The following TMEM163 variants were observed in gnomAD, a reference collection of about 807,000 sequenced individuals.
TMEM163 encodes the protein transmembrane protein 163.
TMEM163 carries 17 observed loss-of-function variants against 29.3 expected under a neutral mutation model. The observed-to-expected ratio is 0.58, with a 90% CI of 0.40 to 0.87. The LOEUF (loss-of-function observed/expected upper bound fraction) is 0.87, where lower values mean the gene tolerates loss of function less well. TMEM163 is among the 40% of genes least tolerant of loss of function. The pLI, the probability that TMEM163 is intolerant of heterozygous loss-of-function variation, is 0.00. For synonymous variants in TMEM163, 157 were observed against 160.6 expected, an observed-to-expected ratio of 0.98 and a Z score of 0.17; for missense variants, 303 against 381.5, an observed-to-expected ratio of 0.79 and a Z score of 1.71.
chr2:134,526,763 C>T (rs1042514995), intron 4 of TMEM163, among the ~76,000 whole-genome samples: 4 of 152,230 alleles, frequency 2.6e-5, no homozygotes, highest in African/African-American at 9.6e-5. Flanking sequence ...TACAGAACCA[C>T]TGGAAAAGCA....
At chr2:134,479,900 G>A (rs597299) in intron 5 of TMEM163, among the ~76,000 whole-genome samples, 25,590 of 152,154 alleles carry the variant, frequency 0.17, 2,663 homozygotes, top group South Asian at 0.26. Flanking sequence ...AGGATTCAAA[G>A]GCAATTAGGG....
chr2:134,570,349 G>A (rs889468057), intron 2 of TMEM163, among the ~76,000 whole-genome samples: 5 of 152,108 alleles, frequency 3.3e-5, no homozygotes, highest in Admixed American at 2.0e-4. Flanking sequence ...TGGGTACAAG[G>A]CAGGAACAGA....
At chr2:134,713,801 GAGTC>G (rs1684980954) in intron 1 of TMEM163, among the ~76,000 whole-genome samples, 1 of 152,182 alleles carries the variant, frequency 6.6e-6, no homozygotes, top group Non-Finnish European at 1.5e-5. Flanking sequence ...CCAAAGCAAG[GAGTC>G]AGTCTACAAA....
At chr2:134,534,911 T>C (rs1680498579) in intron 4 of TMEM163, among the ~76,000 whole-genome samples, 2 of 152,314 alleles carry the variant, frequency 1.3e-5, no homozygotes, top group South Asian at 4.1e-4. Context: ...TTGGTCTTGA[T>C]GCAGCTAACA....
intron 2 of TMEM163, among the ~76,000 whole-genome samples, chr2:134,701,408 A>G (rs184691902): frequency 1.3e-5 from 2 of 152,326 alleles, no homozygotes; most frequent in East Asian, 3.9e-4. Context: ...AATAAAGAGA[A>G]GACTGGCAAT....
chr2:134,664,151 C>T (rs1683821006), intron 2 of TMEM163, among the ~76,000 whole-genome samples: 1 of 152,252 alleles, frequency 6.6e-6, no homozygotes, highest in Non-Finnish European at 1.5e-5. Context: ...GAAAAGCAAG[C>T]TCCCTCACAG....
In TMEM163 at chr2:134,696,139, T is replaced by C. The variant is rs73958792; in HGVS notation, c.322+17061A>G. Among the ~76,000 whole-genome samples, 577 of 151,886 alleles carry C rather than the reference T, an allele frequency of 3.8e-3. 1 individual carries two copies. Among genetic ancestry groups the C allele is most frequent in the African/African-American group, 0.013 (541 of 41,422 alleles). ...AATTTATATTTGTATATGTGGGAGG[T>C]ACAAACTTATTTTAGTTTTTCCATA... On this transcript the variant is annotated intron_variant, in intron 2 of 7. Coordinates refer to ENST00000281924, the MANE Select transcript of TMEM163 (RefSeq NM_030923.5).
At chr2:134,466,407 G>T in intron 5 of TMEM163, 182 bp from the exon 6 acceptor site, 1 of 566,894 alleles carries the variant, frequency 1.8e-6, no homozygotes, top group East Asian at 2.9e-5. Flanking sequence ...TGGAAAAGAT[G>T]CTCAAAAACA....
At chr2:134,648,679 C>T (rs1023183590) in intron 2 of TMEM163, among the ~76,000 whole-genome samples, 8 of 152,270 alleles carry the variant, frequency 5.3e-5, no homozygotes, top group East Asian at 3.9e-4. Context: ...TGAAAGGAAG[C>T]GATAACTCCA....
intron 2 of TMEM163, among the ~76,000 whole-genome samples, chr2:134,566,379 T>A: frequency 6.6e-6 from 1 of 152,110 alleles, no homozygotes; most frequent in Admixed American, 6.5e-5. Flanking sequence ...CCAGCCAATA[T>A]GGTGAAACCC....
intron 2 of TMEM163, among the ~76,000 whole-genome samples, chr2:134,573,238 C>T (rs1439583192): frequency 6.6e-6 from 1 of 152,230 alleles, no homozygotes; most frequent in Non-Finnish European, 1.5e-5. Context: ...TCTCATTGTG[C>T]ATCATCCAGC....
At chr2:134,560,187 C>T (rs1057163590) in intron 2 of TMEM163, among the ~76,000 whole-genome samples, 1 of 152,130 alleles carries the variant, frequency 6.6e-6, no homozygotes, top group African/African-American at 2.4e-5. Flanking sequence ...CTCTCTGTCA[C>T]CCACCTCTAA....
At chr2:134,620,102 C>T (rs1020168044) in intron 2 of TMEM163, among the ~76,000 whole-genome samples, 1 of 152,118 alleles carries the variant, frequency 6.6e-6, no homozygotes, top group Non-Finnish European at 1.5e-5. Context: ...GTAATACATA[C>T]ACTATTAAAT....
At chr2:134,632,991 C>T (rs899462679) in intron 2 of TMEM163, among the ~76,000 whole-genome samples, 1 of 151,186 alleles carries the variant, frequency 6.6e-6, no homozygotes, top group African/African-American at 2.4e-5. Context: ...ATCTCCTGAC[C>T]TCGTGATCCG....
At chr2:134,664,226 G>T (rs912444806) in intron 2 of TMEM163, among the ~76,000 whole-genome samples, 2 of 152,190 alleles carry the variant, frequency 1.3e-5, no homozygotes, top group African/African-American at 4.8e-5. Flanking sequence ...TCCATGGCTT[G>T]GACTAATCTC....
At chr2:134,517,480 C>T (rs966843732) in intron 4 of TMEM163, among the ~76,000 whole-genome samples, 1 of 152,190 alleles carries the variant, frequency 6.6e-6, no homozygotes, top group Non-Finnish European at 1.5e-5. Flanking sequence ...GCCGCGTAGA[C>T]AAGCCGGAAT....
chr2:134,605,759 G>T (rs1682341758), intron 2 of TMEM163, among the ~76,000 whole-genome samples: 1 of 151,998 alleles, frequency 6.6e-6, no homozygotes, highest in Non-Finnish European at 1.5e-5. Context: ...AAAAAGAAAA[G>T]AAAAGATGTG....
intron 2 of TMEM163, among the ~76,000 whole-genome samples, chr2:134,673,886 A>G (rs1684048180): frequency 6.6e-6 from 1 of 152,232 alleles, no homozygotes; most frequent in Non-Finnish European, 1.5e-5. Context: ...TGCGGTTTTA[A>G]GCCACTAAGT....
chr2:134,524,092 T>C (rs1006298575), intron 4 of TMEM163, among the ~76,000 whole-genome samples: 1 of 152,200 alleles, frequency 6.6e-6, no homozygotes, highest in Non-Finnish European at 1.5e-5. Flanking sequence ...AGCAGCGACA[T>C]AACCCAGGAT....
Sources: allele counts gnomAD v4.1 joint callset (sites outside exome capture counted in the v4.1 genomes callset), GRCh38; gene constraint gnomAD v4.1.1; transcripts MANE v1.5; gene names NCBI Gene and HGNC (gene_info 2026-07-23, HGNC 2026-07-21).